The following CNTN3 variants were observed in gnomAD, a reference collection of about 807,000 sequenced individuals.
CNTN3 encodes the protein contactin-3.
In CNTN3, 60 loss-of-function variants were observed where a neutral mutation model predicts 119.1. That is an observed-to-expected ratio of 0.50 (90% CI 0.41 to 0.62). CNTN3 has a LOEUF of 0.62. Ranked by LOEUF, CNTN3 falls within the 20% of genes least tolerant of loss-of-function variation. The pLI, the probability that CNTN3 is intolerant of heterozygous loss-of-function variation, is 0.00. For missense variants in CNTN3, 1,101 were observed against 1,242.4 expected, an observed-to-expected ratio of 0.89 and a Z score of 1.71; for synonymous variants, 450 against 438.7, an observed-to-expected ratio of 1.03 and a Z score of -0.32.
intron 5 of CNTN3, among the ~76,000 whole-genome samples, chr3:74,372,842 C>A (rs559766259): frequency 6.6e-6 from 1 of 152,130 alleles, no homozygotes; most frequent in African/African-American, 2.4e-5. Flanking sequence ...AACACCCCAA[C>A]AAGCAGGGAT....
At chr3:74,400,369 G>A (rs1170830594) in intron 5 of CNTN3, among the ~76,000 whole-genome samples, 3 of 152,132 alleles carry the variant, frequency 2.0e-5, no homozygotes, top group East Asian at 1.9e-4. Flanking sequence ...GAACGGCACC[G>A]TCCCAGTTGG....
intron 4 of CNTN3, among the ~76,000 whole-genome samples, chr3:74,484,262 A>G (rs1044908886): frequency 5.9e-5 from 9 of 152,126 alleles, no homozygotes; most frequent in East Asian, 1.9e-4. Context: ...ATACTTAAGC[A>G]TAAAAATAGA....
Position 74,410,986 on chromosome 3 carries a change from T to C in CNTN3, c.454+13859A>G, listed in dbSNP as rs887392688. Reference sequence around the variant, plus strand: ...ATAAATTCAGGCAACTGACTCTACTTACTCACTGATAAAATAAGAGGAGAG... The same window carrying C: ...ATAAATTCAGGCAACTGACTCTACTCACTCACTGATAAAATAAGAGGAGAG... On this transcript the variant is annotated intron_variant, in intron 5 of 22. Transcript: ENST00000263665. Among the ~76,000 whole-genome samples, 3 of 152,114 alleles carry C rather than the reference T, an allele frequency of 2.0e-5. No individual in the cohort carries two copies. In the South Asian group the frequency reaches 6.2e-4, roughly 31 times the overall value.
chr3:74,590,953 T>C (rs2106686524), intron 1 of CNTN3, among the ~76,000 whole-genome samples: 1 of 152,106 alleles, frequency 6.6e-6, no homozygotes, highest in Non-Finnish European at 1.5e-5. Context: ...ACATAACTAG[T>C]TATTTTAAAT....
At chr3:74,492,983 T>C (rs1702995587) in intron 3 of CNTN3, among the ~76,000 whole-genome samples, 1 of 152,124 alleles carries the variant, frequency 6.6e-6, no homozygotes, top group South Asian at 2.1e-4. Flanking sequence ...AGCAATCTAA[T>C]TCTATTTTCT....
chr3:74,280,757 C>CT (rs2106772234), intron 20 of CNTN3, among the ~76,000 whole-genome samples: 1 of 152,304 alleles, frequency 6.6e-6, no homozygotes, highest in South Asian at 2.1e-4. Flanking sequence ...TAGCTCTGCC[C>CT]TGAAGGGGCT....
chr3:74,544,766 T>A (rs1703890795), intron 1 of CNTN3, among the ~76,000 whole-genome samples: 2 of 151,964 alleles, frequency 1.3e-5, no homozygotes, highest in South Asian at 4.2e-4. Context: ...ATCTGGCAAT[T>A]TTTTTGTATT....
chr3:74,371,297 A>G lies in CNTN3; in HGVS notation c.557T>C (p.Val186Ala), dbSNP rs773829927. ...QETGHLYISKVEPSDVGNYTC... is the reference protein window; with the variant it reads ...QETGHLYISKAEPSDVGNYTC... Reference sequence around the variant, plus strand: ...GTAATTTCCCACATCAGACGGCTCCACCTTAGATATGTAGAGGTGCCCTGT... The same window carrying G: ...GTAATTTCCCACATCAGACGGCTCCGCCTTAGATATGTAGAGGTGCCCTGT... The change falls in exon 6 of 23, where the codon GTG (valine) becomes GCG (alanine). Residue 186 changes from valine (V) to alanine (A), a missense_variant. By Grantham distance (64) the Val-to-Ala change is moderately conservative. Transcript: ENST00000263665. The G allele has an allele frequency of 5.0e-6, 8 of 1,613,328 alleles. No homozygotes were observed. Among genetic ancestry groups the G allele is most frequent in the African/African-American group, 1.3e-5 (1 of 74,876 alleles).
chr3:74,505,198 T>C (rs1370576098), intron 2 of CNTN3, among the ~76,000 whole-genome samples: 1 of 152,142 alleles, frequency 6.6e-6, no homozygotes, highest in Non-Finnish European at 1.5e-5. Flanking sequence ...TTTCAAATAA[T>C]AGGGTACTGG....
chr3:74,339,556 C>A (rs1419203106), intron 11 of CNTN3, among the ~76,000 whole-genome samples: 4 of 152,046 alleles, frequency 2.6e-5, no homozygotes, highest in Non-Finnish European at 5.9e-5. Context: ...TCATAGCACC[C>A]ATCGAGTGTC....
Position 74,480,191 on chromosome 3 carries a change from C to T in CNTN3, c.358+6265G>A, listed in dbSNP as rs537335397. On this transcript the variant is annotated intron_variant, in intron 4 of 22. Coordinates refer to ENST00000263665, the MANE Select transcript of CNTN3 (RefSeq NM_020872.3). Reference sequence around the variant, plus strand: ...TTCCAGTCCTCTACAGTATTCTTCCCATCTTCTAGTTTCAAACACAGGCAG... The same window carrying T: ...TTCCAGTCCTCTACAGTATTCTTCCTATCTTCTAGTTTCAAACACAGGCAG... 3.9e-5 allele frequency among the ~76,000 whole-genome samples: 6 copies of T among 152,064 alleles called. No individual in the cohort carries two copies. In the South Asian group the frequency reaches 1.2e-3, roughly 32 times the overall value.
chr3:74,283,505 A>C (rs529415045), intron 20 of CNTN3, among the ~76,000 whole-genome samples: 35 of 152,238 alleles, frequency 2.3e-4, no homozygotes, highest in African/African-American at 7.9e-4. Flanking sequence ...GTACATTATC[A>C]TGACATTTCT....
In CNTN3 at chr3:74,266,499, TG is replaced by T; in HGVS notation, c.2967del (p.Arg990GlyfsTer5). On this transcript the variant is annotated frameshift_variant, in exon 22 of 23. Coordinates refer to ENST00000263665, the MANE Select transcript of CNTN3 (RefSeq NM_020872.3). LOFTEE classifies it high-confidence loss of function. ...AACTTACTGGTTATTCGTGGAATCCTGATCTGTTCACTACTGGTCCCATCCC... is the reference window on the plus strand; with the variant it reads ...AACTTACTGGTTATTCGTGGAATCCTATCTGTTCACTACTGGTCCCATCCC... ...DGGDGTSSEQ[I>X]RIPRITSMDA... The T allele has an allele frequency of 6.2e-7, 1 of 1,613,258 alleles. No homozygotes were observed. Among genetic ancestry groups the T allele is most frequent in the Non-Finnish European group, 8.5e-7 (1 of 1,179,420 alleles).
At chr3:74,545,916 T>A (rs940225052) in intron 1 of CNTN3, among the ~76,000 whole-genome samples, 7 of 152,154 alleles carry the variant, frequency 4.6e-5, no homozygotes, top group African/African-American at 1.7e-4. Flanking sequence ...TCTCTGCTCC[T>A]TGACATTCAA....
chr3:74,584,929 T>C (rs899443370), intron 1 of CNTN3, among the ~76,000 whole-genome samples: 8 of 152,146 alleles, frequency 5.3e-5, no homozygotes, highest in Non-Finnish European at 7.4e-5. Context: ...CCTCAGTAAA[T>C]TGGCCAATCC....
At chr3:74,483,045 G>C (rs528710123) in intron 4 of CNTN3, among the ~76,000 whole-genome samples, 124 of 152,098 alleles carry the variant, frequency 8.2e-4, no homozygotes, top group South Asian at 1.7e-3. Flanking sequence ...GTGGTGTCAG[G>C]TGAAGAATAC....
intron 1 of CNTN3, among the ~76,000 whole-genome samples, chr3:74,551,655 C>T (rs1389164406): frequency 6.6e-6 from 1 of 151,078 alleles, no homozygotes; most frequent in Non-Finnish European, 1.5e-5. Flanking sequence ...CCCTTGGCAA[C>T]TATTAATCTT....
At chr3:74,445,302 G>A (rs966177299) in intron 4 of CNTN3, among the ~76,000 whole-genome samples, 1 of 151,826 alleles carries the variant, frequency 6.6e-6, no homozygotes, top group Non-Finnish European at 1.5e-5. Flanking sequence ...TCCCTCTGAT[G>A]CCCAAACTGG....
intron 1 of CNTN3, among the ~76,000 whole-genome samples, chr3:74,590,230 T>C (rs1392189165): frequency 1.3e-5 from 2 of 151,732 alleles, no homozygotes; most frequent in South Asian, 4.2e-4. Flanking sequence ...TGGAAGGGAG[T>C]GGAGGATAGA....
Sources: gnomAD v4.1 joint callset for allele counts (sites outside exome capture counted in the v4.1 genomes callset) on GRCh38, gnomAD v4.1.1 for gene constraint, MANE v1.5 for transcripts, NCBI Gene and HGNC (gene_info 2026-07-23, HGNC 2026-07-21) for gene names.